Variants in MICAL2 observed in about 807,000 individuals in gnomAD.
MICAL2 encodes the protein [F-actin]-monooxygenase MICAL2.
MICAL2 carries 77 observed loss-of-function variants against 127.3 expected under a neutral mutation model. The ratio of observed to expected loss-of-function variants is 0.60; its 90% CI spans 0.50 to 0.73. The LOEUF is 0.73. Among genes scored for constraint, MICAL2 ranks in the 30% least tolerant of loss-of-function variants. The pLI is 0.00. For missense variants in MICAL2, 1,351 were observed against 1,434.4 expected (o/e 0.94, Z 0.94); for synonymous variants, 570 against 551.1 (o/e 1.03, Z -0.48).
chr11:12,283,170 AT>A (rs920969218), intron 2 of MICAL2, among the ~76,000 whole-genome samples: 66 of 152,282 alleles, frequency 4.3e-4, no homozygotes, highest in African/African-American at 1.4e-3. Flanking sequence ...GCTGCTGGTT[AT>A]GGTAACCCCA....
At chr11:12,321,156 C>T (rs1012421434) in intron 30 of MICAL2, among the ~76,000 whole-genome samples, 1 of 152,100 alleles carries the variant, frequency 6.6e-6, no homozygotes, top group Non-Finnish European at 1.5e-5. Flanking sequence ...TCCTGCTGGC[C>T]CAGAACAGAG....
chr11:12,170,404 T>A (rs1239771792), intron 3 of MICAL2, among the ~76,000 whole-genome samples: 1 of 152,182 alleles, frequency 6.6e-6, no homozygotes. Flanking sequence ...AAGCCGTGAT[T>A]GTGCCACAGC....
intron 31 of MICAL2, among the ~76,000 whole-genome samples, chr11:12,324,228 A>G (rs1223864658): frequency 6.6e-6 from 1 of 152,128 alleles, no homozygotes; most frequent in African/African-American, 2.4e-5. Flanking sequence ...GCCGTTTTAA[A>G]GAGGCTCTGG....
intron 1 of MICAL2, among the ~76,000 whole-genome samples, chr11:12,122,750 A>T (rs964014854): frequency 6.6e-6 from 1 of 152,196 alleles, no homozygotes; most frequent in South Asian, 2.1e-4. Context: ...CAGTCAAAGC[A>T]CCTGTGTGTG....
At chr11:12,262,290 G>T (rs567540945) in intron 26 of MICAL2, 190 bp from the exon 27 acceptor site, 1 of 1,434,662 alleles carries the variant, frequency 7.0e-7, no homozygotes, top group African/African-American at 1.4e-5. Flanking sequence ...CAAGTAGCTG[G>T]TCACAACCAG....
chr11:12,251,206 G>A (rs1861481946), intron 22 of MICAL2, among the ~76,000 whole-genome samples: 1 of 149,708 alleles, frequency 6.7e-6, no homozygotes, highest in Admixed American at 6.6e-5. Context: ...GAAAAAACCT[G>A]TCATTAGCCA....
At chr11:12,217,912 G>A (rs577833045) in intron 8 of MICAL2, among the ~76,000 whole-genome samples, 76 of 152,266 alleles carry the variant, frequency 5.0e-4, no homozygotes, top group East Asian at 2.9e-3. Context: ...TAGCCTGAGC[G>A]TCCAGGTGTC....
chr11:12,288,325 G>C (rs1277022300), downstream of MICAL2, among the ~76,000 whole-genome samples: 1 of 152,228 alleles, frequency 6.6e-6, no homozygotes, highest in Non-Finnish European at 1.5e-5. Context: ...GACTATATGA[G>C]TGTAGGGTCC....
chr11:12,186,187 A>G (rs1032662374), intron 3 of MICAL2, among the ~76,000 whole-genome samples: 1 of 152,144 alleles, frequency 6.6e-6, no homozygotes, highest in East Asian at 1.9e-4. Context: ...TGGGTTTTGG[A>G]AAACAAACAA....
Position 12,323,038 on chromosome 11 carries a change from C to A in MICAL2, c.5329-940C>A, listed in dbSNP as rs140152433. Among the ~76,000 whole-genome samples the A allele has an allele frequency of 6.4e-4, 97 of 152,220 alleles. No homozygotes were observed. In the East Asian group the frequency reaches 0.018, roughly 28 times the overall value. On this transcript the variant is annotated intron_variant, in intron 30 of 34. Coordinates refer to the MICAL2 transcript ENST00000646065. ...CAGCTGGGATTGGATGCCAGCTTTG[C>A]CTGTCTTGTGGGCCCAGTGCTCAAC...
intron 11 of MICAL2, 69 bp downstream of exon 11, chr11:12,222,812 G>C: frequency 1.9e-6 from 3 of 1,583,518 alleles, no homozygotes; most frequent in East Asian, 4.5e-5. Context: ...GGTGGGGAGG[G>C]GGTCACATTA....
intron 30 of MICAL2, among the ~76,000 whole-genome samples, chr11:12,321,193 G>A (rs1683181402): frequency 6.6e-6 from 1 of 152,118 alleles, no homozygotes; most frequent in Admixed American, 6.6e-5. Flanking sequence ...CTTGCCAGGT[G>A]GTAAAGCATG....
chr11:12,333,244 G>A (rs1044386340), intron 32 of MICAL2, among the ~76,000 whole-genome samples: 1 of 151,942 alleles, frequency 6.6e-6, no homozygotes, highest in Non-Finnish European at 1.5e-5. Context: ...GCAATCTAAG[G>A]GTGATTTTAC....
At chr11:12,323,772 T>C (rs1399281305) in intron 30 of MICAL2, among the ~76,000 whole-genome samples, 2 of 152,310 alleles carry the variant, frequency 1.3e-5, no homozygotes, top group East Asian at 3.9e-4. Context: ...ACTAGCCACA[T>C]GGGGCTTGTG....
At chr11:12,319,376 A>G (rs1227289035) in intron 29 of MICAL2, among the ~76,000 whole-genome samples, 1 of 152,164 alleles carries the variant, frequency 6.6e-6, no homozygotes, top group Non-Finnish European at 1.5e-5. Flanking sequence ...CTCTGAATGC[A>G]TTCTGAGCAA....
At chr11:12,207,109 C>T (rs1854794114) in intron 4 of MICAL2, among the ~76,000 whole-genome samples, 1 of 152,102 alleles carries the variant, frequency 6.6e-6, no homozygotes, top group Admixed American at 6.5e-5. Flanking sequence ...GCTCTTGTCA[C>T]CTTCACAGCC....
chr11:12,115,897 G>A (rs938858668), intron 1 of MICAL2, among the ~76,000 whole-genome samples: 3 of 151,796 alleles, frequency 2.0e-5, no homozygotes, highest in African/African-American at 7.3e-5. Flanking sequence ...TTGGGATTTC[G>A]ATATTTGCTT....
At chr11:12,255,474 A>G in intron 22 of MICAL2, 169 bp from the exon 23 acceptor site, 1 of 610,976 alleles carries the variant, frequency 1.6e-6, no homozygotes, top group Non-Finnish European at 2.9e-6. Context: ...CTCCACCTCC[A>G]GAATCCCCGC....
In MICAL2 at chr11:12,189,302, GT is replaced by G. The variant is rs530669057; in HGVS notation, c.265-14944del. Reference sequence around the variant, plus strand: ...GCTCAGGAACCTTGATGTTTTTTTTGTTTTGTTTTTGTTTTTGTTTTTGCTA... The same window carrying G: ...GCTCAGGAACCTTGATGTTTTTTTTGTTTGTTTTTGTTTTTGTTTTTGCTA... On this transcript the variant is annotated intron_variant, in intron 3 of 27. Transcript: ENST00000683283. Among the ~76,000 whole-genome samples the G allele has an allele frequency of 5.7e-3, 859 of 151,966 alleles. 11 individuals carry two copies. The highest frequency in any genetic ancestry group is 0.02 in the African/African-American group (839 of 41,452).
Sources: allele counts gnomAD v4.1 joint callset (sites outside exome capture counted in the v4.1 genomes callset), GRCh38; gene constraint gnomAD v4.1.1; transcripts MANE v1.5; gene names NCBI Gene and HGNC (gene_info 2026-07-23, HGNC 2026-07-21).